Variants in CFAP299 observed in about 807,000 individuals in gnomAD.
CFAP299 encodes cilia and flagella associated protein 299, also known as cilia- and flagella-associated protein 299.
Under a neutral mutation model 27.0 loss-of-function variants are expected in CFAP299, and 21 were observed. That is an observed-to-expected ratio of 0.78 (90% CI 0.55 to 1.12). The LOEUF is 1.12. Among genes scored for constraint, CFAP299 ranks in the 50% most tolerant of loss-of-function variants. CFAP299 has a pLI of 0.00. For missense variants in CFAP299, 310 were observed against 276.6 expected, an observed-to-expected ratio of 1.12 and a Z score of -0.86; for synonymous variants, 104 against 98.1, an observed-to-expected ratio of 1.06 and a Z score of -0.36.
At position 80,566,362 on chromosome 4, in the gene CFAP299, T is replaced by A. The variant is rs545365075; in HGVS notation, c.243-16731T>A. Among the ~76,000 whole-genome samples the A allele has an allele frequency of 1.8e-4, 27 of 152,108 alleles. No homozygotes were observed. The South Asian group carries it at 5.6e-3, about 32-fold the overall frequency. ...TACAGTCCCTACCCTATTTGTACAC[T>A]CCTCTGCTCTGAACATTGAAGAGCC... On this transcript the variant is annotated intron_variant, in intron 2 of 5. Transcript: ENST00000358105.
At chr4:80,498,886 C>G (rs969814914) in intron 2 of CFAP299, among the ~76,000 whole-genome samples, 6 of 152,094 alleles carry the variant, frequency 3.9e-5, no homozygotes, top group African/African-American at 1.4e-4. Flanking sequence ...AAATGTGGTA[C>G]CTATACAACA....
chr4:80,922,539 A>T (rs981802944), intron 4 of CFAP299, among the ~76,000 whole-genome samples: 9 of 152,034 alleles, frequency 5.9e-5, no homozygotes, highest in African/African-American at 2.2e-4. Flanking sequence ...TTATACTCCA[A>T]CATTTTCATG....
intron 2 of CFAP299, chr4:80,387,866 G>T: frequency 8.3e-7 from 1 of 1,205,674 alleles, no homozygotes; most frequent in Non-Finnish European, 1.2e-6. Context: ...GGGGTCTTCA[G>T]CATTGGTGGA....
intron 2 of CFAP299, among the ~76,000 whole-genome samples, chr4:80,519,496 C>G (rs960408094): frequency 6.6e-6 from 1 of 152,174 alleles, no homozygotes; most frequent in African/African-American, 2.4e-5. Context: ...CATGAGCTAC[C>G]ATGCCTGGCC....
At chr4:80,862,406 C>T (rs1172766725) in intron 3 of CFAP299, among the ~76,000 whole-genome samples, 3 of 151,734 alleles carry the variant, frequency 2.0e-5, no homozygotes, top group Non-Finnish European at 4.4e-5. Context: ...ATAAATAAAG[C>T]CATTTAAAAT....
At chr4:80,472,335 T>C (rs1730042784) in intron 2 of CFAP299, among the ~76,000 whole-genome samples, 2 of 152,204 alleles carry the variant, frequency 1.3e-5, no homozygotes. Context: ...AAGAACTCTA[T>C]AACACAATTG....
At chr4:80,799,483 T>C (rs1400235836) in intron 3 of CFAP299, among the ~76,000 whole-genome samples, 1 of 88,460 alleles carries the variant, frequency 1.1e-5, no homozygotes, top group East Asian at 3.5e-4. Flanking sequence ...ATATATTTAT[T>C]AAATATATAT....
chr4:80,587,864 A>G (rs912466118), intron 3 of CFAP299, among the ~76,000 whole-genome samples: 5 of 144,096 alleles, frequency 3.5e-5, no homozygotes, highest in Admixed American at 2.0e-4. Flanking sequence ...AGTGCAGGCT[A>G]CTGCATTATG....
chr4:80,791,847 T>G (rs1028725072), intron 3 of CFAP299, among the ~76,000 whole-genome samples: 2 of 151,690 alleles, frequency 1.3e-5, no homozygotes, highest in Non-Finnish European at 2.9e-5. Flanking sequence ...CAGATATATA[T>G]ATATATACAT....
chr4:80,711,409 A>G (rs771258807), intron 3 of CFAP299, among the ~76,000 whole-genome samples: 2 of 152,182 alleles, frequency 1.3e-5, no homozygotes, highest in Non-Finnish European at 2.9e-5. Context: ...CTGCTGCTGA[A>G]TAAACTCATC....
At chr4:80,697,196 A>C (rs1235028853) in intron 3 of CFAP299, among the ~76,000 whole-genome samples, 1 of 152,168 alleles carries the variant, frequency 6.6e-6, no homozygotes, top group Non-Finnish European at 1.5e-5. Flanking sequence ...TTTGAAAAAA[A>C]AAATTCTACT....
At chr4:80,697,249 C>T (rs1721161813) in intron 3 of CFAP299, among the ~76,000 whole-genome samples, 1 of 151,894 alleles carries the variant, frequency 6.6e-6, no homozygotes, top group Non-Finnish European at 1.5e-5. Context: ...ATTAGAGATC[C>T]CTGTTAAATA....
intron 4 of CFAP299, chr4:80,871,408 A>G (rs1023881175): frequency 6.1e-6 from 6 of 985,312 alleles, no homozygotes; most frequent in African/African-American, 3.5e-5. Context: ...TGCTGAAGGA[A>G]ATTTTAGGAA....
intron 3 of CFAP299, among the ~76,000 whole-genome samples, chr4:80,770,553 C>T (rs984246543): frequency 6.6e-6 from 1 of 152,216 alleles, no homozygotes; most frequent in Admixed American, 6.5e-5. Context: ...ACTAATATTT[C>T]TGCTCTTCCA....
At chr4:80,838,197 TC>T (rs1324690085) in intron 3 of CFAP299, among the ~76,000 whole-genome samples, 1 of 152,208 alleles carries the variant, frequency 6.6e-6, no homozygotes, top group African/African-American at 2.4e-5. Context: ...AAAATTTTTC[TC>T]CCATTCTGTA....
chr4:80,921,261 T>C (rs1466638045), intron 4 of CFAP299, among the ~76,000 whole-genome samples: 1 of 152,134 alleles, frequency 6.6e-6, no homozygotes, highest in Non-Finnish European at 1.5e-5. Flanking sequence ...GAACTCATTG[T>C]TTTGGAGAAA....
At chr4:80,426,929 T>C (rs1727558172) in intron 2 of CFAP299, among the ~76,000 whole-genome samples, 1 of 152,206 alleles carries the variant, frequency 6.6e-6, no homozygotes, top group Non-Finnish European at 1.5e-5. Flanking sequence ...AGTTTTTGAG[T>C]ATTATTTGTC....
chr4:80,899,488 G>A (rs1037209962), intron 4 of CFAP299, among the ~76,000 whole-genome samples: 2 of 152,120 alleles, frequency 1.3e-5, no homozygotes, highest in Non-Finnish European at 1.5e-5. Flanking sequence ...AGGAAACGTA[G>A]AGCACAATCT....
intron 2 of CFAP299, among the ~76,000 whole-genome samples, chr4:80,476,039 G>T (rs768018068): frequency 8.5e-5 from 13 of 152,166 alleles, no homozygotes; most frequent in African/African-American, 2.7e-4. Context: ...CGATTCACAT[G>T]GTGCTGTAAT....
Sources: gnomAD v4.1 joint callset for allele counts (sites outside exome capture counted in the v4.1 genomes callset) on GRCh38, gnomAD v4.1.1 for gene constraint, MANE v1.5 for transcripts, NCBI Gene and HGNC (gene_info 2026-07-23, HGNC 2026-07-21) for gene names.